Variants in ASTN2 observed in about 807,000 individuals in gnomAD.
The protein encoded by ASTN2 is astrotactin 2, also known as astrotactin-2.
ASTN2 carries 54 observed loss-of-function variants against 139.8 expected under a neutral mutation model. That is an observed-to-expected ratio of 0.39 (90% CI 0.31 to 0.48). The LOEUF (loss-of-function observed/expected upper bound fraction) is 0.48. ASTN2 is among the 20% of genes least tolerant of loss of function. The pLI is 0.95. For missense variants in ASTN2, 1,565 were observed against 1,725.1 expected (o/e 0.91, Z 1.64); for synonymous variants, 756 against 719.5 (o/e 1.05, Z -0.81).
At chr9:117,392,527 C>T (rs1314911791) in intron 1 of ASTN2, among the ~76,000 whole-genome samples, 1 of 152,152 alleles carries the variant, frequency 6.6e-6, no homozygotes, top group Non-Finnish European at 1.5e-5. Flanking sequence ...ATACCGATTA[C>T]TATTTTAAGG....
intron 2 of ASTN2, among the ~76,000 whole-genome samples, chr9:117,235,990 G>C (rs1833033115): frequency 6.6e-6 from 1 of 152,158 alleles, no homozygotes; most frequent in African/African-American, 2.4e-5. Flanking sequence ...TTTCTGACTT[G>C]AGCTCAGAGG....
chr9:117,086,343 G>C (rs1198134935), intron 5 of ASTN2, among the ~76,000 whole-genome samples: 1 of 152,140 alleles, frequency 6.6e-6, no homozygotes, highest in Non-Finnish European at 1.5e-5. Context: ...GGGAAGCCGA[G>C]GCAGGCGGAT....
intron 19 of ASTN2, chr9:116,568,989 T>C (rs1318271289): frequency 2.0e-5 from 3 of 152,156 alleles, no homozygotes; most frequent in East Asian, 1.9e-4. Flanking sequence ...AGAAAAATGA[T>C]AGGGTCAAGG....
Position 117,165,886 on chromosome 9 carries a change from A to T in ASTN2, c.1016-24408T>A, listed in dbSNP as rs567047692. ...ATTATTAAATAGAATGCCTTATGCA[A>T]AGTAAGTGTCTAGTAAAATAAAACA... On this transcript the variant is annotated intron_variant, in intron 3 of 22. Transcript: ENST00000313400. 3.3e-5 allele frequency among the ~76,000 whole-genome samples: 5 copies of T among 152,216 alleles called. No individual in the cohort carries two copies. In the South Asian group the frequency reaches 1.0e-3, roughly 31 times the overall value.
chr9:116,729,164 T>A (rs961039735), intron 14 of ASTN2, 68 bp from the exon 15 acceptor site: 6 of 1,231,010 alleles, frequency 4.9e-6, no homozygotes, highest in Admixed American at 2.2e-5. Flanking sequence ...TTGTTCACCC[T>A]GCAGCTCTTG....
intron 13 of ASTN2, among the ~76,000 whole-genome samples, chr9:116,756,668 T>A (rs1829539969): frequency 6.6e-6 from 1 of 151,990 alleles, no homozygotes; most frequent in African/African-American, 2.4e-5. Context: ...TCAGCCTTCT[T>A]CTATCAGCAG....
At chr9:116,848,955 C>CAGCT (rs1564303332) in intron 11 of ASTN2, among the ~76,000 whole-genome samples, 1 of 152,150 alleles carries the variant, frequency 6.6e-6, no homozygotes, top group Non-Finnish European at 1.5e-5. Context: ...TTCTGATGAC[C>CAGCT]AGCTATAAAT....
intron 7 of ASTN2, among the ~76,000 whole-genome samples, chr9:116,997,854 A>G (rs1837069929): frequency 6.6e-6 from 1 of 152,188 alleles, no homozygotes; most frequent in Non-Finnish European, 1.5e-5. Context: ...TTCAATGTTC[A>G]TGTACTTCTT....
rs557211851 is a variant in ASTN2 at position 117,030,458 on chromosome 9, G to A, written c.1423+9361C>T. ...CAGAAATTAGTCTCCAATTTTGGAC[G>A]TCAAACTCAGTTATCTCTTTTGTTA... On this transcript the variant is annotated intron_variant, in intron 6 of 22. Transcript: ENST00000313400. Among the ~76,000 whole-genome samples the A allele has an allele frequency of 7.9e-5, 12 of 152,282 alleles. No homozygotes were observed. The East Asian group carries it at 1.2e-3, about 15-fold the overall frequency.
intron 22 of ASTN2, among the ~76,000 whole-genome samples, chr9:116,435,156 G>A (rs903239307): frequency 6.6e-6 from 1 of 152,132 alleles, no homozygotes; most frequent in Non-Finnish European, 1.5e-5. Flanking sequence ...TGGTTCCTTG[G>A]CTTCCCAGCT....
chr9:117,414,411 G>A lies in ASTN2; in HGVS notation c.442+86C>T. On this transcript the variant is annotated intron_variant, in intron 1 of 22. Coordinates refer to ENST00000313400, the MANE Select transcript of ASTN2 (RefSeq NM_001365068.1). The surrounding 1 kb of genome is among the most constrained non-coding windows in gnomAD (Gnocchi z 4.2). ...CCCACTCGGGGCAGCCCCGGGCAGG[G>A]ATCCCCAGGGCGCCCCCACCCGTCC... The A allele has an allele frequency of 1.3e-6, 2 of 1,562,920 alleles. No homozygotes were observed. Among genetic ancestry groups the A allele is most frequent in the South Asian group, 1.2e-5 (1 of 86,284 alleles).
At chr9:116,651,857 T>C (rs1857935222) in intron 16 of ASTN2, 64 bp from the exon 17 acceptor site, 2 of 1,555,792 alleles carry the variant, frequency 1.3e-6, no homozygotes, top group Non-Finnish European at 1.7e-6. Flanking sequence ...GGCCAGACTC[T>C]TGAATTCACA....
At chr9:116,678,028 T>C (rs1090024) in intron 16 of ASTN2, among the ~76,000 whole-genome samples, 79,383 of 152,144 alleles carry the variant, frequency 0.52, 21,853 homozygotes, top group East Asian at 0.87. Context: ...TCAAATATTT[T>C]ATCAGAAAAA....
At chr9:117,367,511 T>G (rs931161212) in intron 1 of ASTN2, among the ~76,000 whole-genome samples, 2 of 151,336 alleles carry the variant, frequency 1.3e-5, no homozygotes, top group African/African-American at 4.9e-5. Context: ...AAGAGAAGGG[T>G]GTGTGTGTGT....
At chr9:117,392,509 T>C (rs1215538639) in intron 1 of ASTN2, among the ~76,000 whole-genome samples, 1 of 152,210 alleles carries the variant, frequency 6.6e-6, no homozygotes, top group Non-Finnish European at 1.5e-5. Flanking sequence ...AAGTAAGAGC[T>C]CCTCTTAATA....
At chr9:116,509,811 C>T (rs892063106) in intron 19 of ASTN2, among the ~76,000 whole-genome samples, 2 of 152,124 alleles carry the variant, frequency 1.3e-5, no homozygotes, top group African/African-American at 4.8e-5. Context: ...TGTCTTCTTT[C>T]AAGAAGTGTC....
chr9:116,537,942 C>T (rs1038632131), intron 19 of ASTN2, among the ~76,000 whole-genome samples: 1 of 152,160 alleles, frequency 6.6e-6, no homozygotes, highest in East Asian at 1.9e-4. Flanking sequence ...CAGGATACTC[C>T]AGTTTTACAG....
chr9:116,644,011 A>C (rs1388923219), intron 17 of ASTN2, among the ~76,000 whole-genome samples: 1 of 152,190 alleles, frequency 6.6e-6, no homozygotes, highest in Non-Finnish European at 1.5e-5. Flanking sequence ...TCTGGCACAC[A>C]GTAGGCAACC....
intron 2 of ASTN2, among the ~76,000 whole-genome samples, chr9:117,255,125 A>G (rs1833649205): frequency 6.6e-6 from 1 of 152,234 alleles, no homozygotes; most frequent in Non-Finnish European, 1.5e-5. Context: ...CATTCTGGGC[A>G]TCCAGAAATC....
Sources: allele counts gnomAD v4.1 joint callset (sites outside exome capture counted in the v4.1 genomes callset), GRCh38; gene constraint gnomAD v4.1.1; non-coding constraint Gnocchi (gnomAD v3.1); transcripts MANE v1.5; gene names NCBI Gene and HGNC (gene_info 2026-07-23, HGNC 2026-07-21).